The following SPIDR variants were observed in gnomAD, a reference collection of about 807,000 sequenced individuals.
The protein encoded by SPIDR is DNA repair-scaffolding protein.
In SPIDR, 93 loss-of-function variants were observed where a neutral mutation model predicts 104.6. The observed-to-expected ratio is 0.89, with a 90% confidence interval of 0.75 to 1.06. The LOEUF is 1.06. Ranked by LOEUF, SPIDR falls within the 50% of genes least tolerant of loss-of-function variation. The probability of loss-of-function intolerance (pLI) is 0.00; values close to 1 mark genes in which losing one functional copy is unlikely to be tolerated. For synonymous variants in SPIDR, 431 were observed against 416.9 expected, an observed-to-expected ratio of 1.03 and a Z score of -0.41; for missense variants, 1,154 against 1,111.2, an observed-to-expected ratio of 1.04 and a Z score of -0.55.
intron 7 of SPIDR, among the ~76,000 whole-genome samples, chr8:47,433,430 A>G (rs2067704725): frequency 1.3e-5 from 2 of 152,216 alleles, no homozygotes; most frequent in African/African-American, 4.8e-5. Flanking sequence ...TCCCTGCTTC[A>G]TCATTCTGAA....
chr8:47,341,355 G>C (rs929952182), intron 5 of SPIDR, among the ~76,000 whole-genome samples: 11 of 152,196 alleles, frequency 7.2e-5, no homozygotes, highest in African/African-American at 2.6e-4. Context: ...GAATTTCTGT[G>C]TAAGTAACTT....
intron 7 of SPIDR, among the ~76,000 whole-genome samples, chr8:47,439,190 A>G (rs537631717): frequency 1.3e-5 from 2 of 152,324 alleles, no homozygotes; most frequent in East Asian, 3.9e-4. Context: ...TAGAAACAAT[A>G]TGACACATAA....
intron 10 of SPIDR, among the ~76,000 whole-genome samples, chr8:47,610,351 A>G (rs1244497467): frequency 1.3e-5 from 2 of 152,176 alleles, no homozygotes; most frequent in Non-Finnish European, 2.9e-5. Context: ...CATGGGAGAC[A>G]GAGCACACAG....
chr8:47,500,624 C>T (rs557588144), intron 8 of SPIDR, among the ~76,000 whole-genome samples: 86 of 152,112 alleles, frequency 5.7e-4, no homozygotes, highest in African/African-American at 1.7e-3. Context: ...TTTCTTTTGC[C>T]GTGCAGAAGC....
chr8:47,454,164 A>G (rs1057488705), intron 8 of SPIDR, among the ~76,000 whole-genome samples: 2 of 152,232 alleles, frequency 1.3e-5, no homozygotes, highest in Non-Finnish European at 2.9e-5. Context: ...GCTGCTATAA[A>G]GACACATGCG....
intron 8 of SPIDR, among the ~76,000 whole-genome samples, chr8:47,512,638 C>T (rs1281005713): frequency 1.3e-5 from 2 of 152,140 alleles, no homozygotes; most frequent in African/African-American, 4.8e-5. Context: ...GCTGACGTCA[C>T]GGCTGCTCCT....
intron 7 of SPIDR, among the ~76,000 whole-genome samples, chr8:47,432,473 T>G (rs576465504): frequency 6.6e-6 from 1 of 152,300 alleles, no homozygotes; most frequent in African/African-American, 2.4e-5. Flanking sequence ...TACATCAGTT[T>G]GTATTAGGAG....
chr8:47,527,602 C>T (rs1440305596), intron 8 of SPIDR: 1 of 152,248 alleles, frequency 6.6e-6, no homozygotes, highest in East Asian at 1.9e-4. Flanking sequence ...AACACTCTAG[C>T]AAACAATAAA....
intron 10 of SPIDR, among the ~76,000 whole-genome samples, chr8:47,614,255 T>C (rs1230753618): frequency 6.6e-6 from 1 of 152,086 alleles, no homozygotes; most frequent in African/African-American, 2.4e-5. Flanking sequence ...AGTCTCGCTG[T>C]GTTGCCAGGC....
chr8:47,322,791 A>G (rs1007589099), intron 5 of SPIDR, among the ~76,000 whole-genome samples: 5 of 152,196 alleles, frequency 3.3e-5, no homozygotes, highest in Non-Finnish European at 5.9e-5. Flanking sequence ...CTTTGTAGGG[A>G]CATGGATGAA....
At chr8:47,370,913 C>G (rs782267020) in intron 5 of SPIDR, among the ~76,000 whole-genome samples, 1 of 152,060 alleles carries the variant, frequency 6.6e-6, no homozygotes. Context: ...CTTAACAAAC[C>G]CTGTTGAGAT....
At chr8:47,406,701 A>G (rs922643837) in intron 6 of SPIDR, among the ~76,000 whole-genome samples, 1 of 152,188 alleles carries the variant, frequency 6.6e-6, no homozygotes, top group Non-Finnish European at 1.5e-5. Flanking sequence ...AACATAACAA[A>G]AACAGTTACA....
chr8:47,335,226 A>G (rs1398931271), intron 5 of SPIDR, among the ~76,000 whole-genome samples: 1 of 152,206 alleles, frequency 6.6e-6, no homozygotes, highest in East Asian at 1.9e-4. Flanking sequence ...TTCTTTATGT[A>G]GAACTGAATT....
intron 16 of SPIDR, among the ~76,000 whole-genome samples, chr8:47,715,758 T>C (rs2082486249): frequency 6.6e-6 from 1 of 152,206 alleles, no homozygotes; most frequent in Non-Finnish European, 1.5e-5. Context: ...TCATTTGGGT[T>C]GTTTCTACTT....
At position 47,409,445 on chromosome 8, in the gene SPIDR, GT is replaced by G. The variant is rs569667734; in HGVS notation, c.877+1485del. ...AGTGCTGATTTGGTAGTTTTTTCCT[GT>G]GTGTTCCCTCCATCTAGAGTAGGGG... On this transcript the variant is annotated intron_variant, in intron 7 of 19. Transcript: ENST00000297423. Among the ~76,000 whole-genome samples the G allele has an allele frequency of 8.0e-3, 1,213 of 152,192 alleles. 15 individuals are homozygous for G. Among genetic ancestry groups the G allele is most frequent in the African/African-American group, 0.027 (1,124 of 41,532 alleles).
intron 8 of SPIDR, among the ~76,000 whole-genome samples, chr8:47,497,683 G>T (rs1251337174): frequency 1.3e-5 from 2 of 152,116 alleles, no homozygotes; most frequent in Non-Finnish European, 2.9e-5. Flanking sequence ...CATAACCATA[G>T]CTTTTAATTT....
chr8:47,510,895 C>T, intron 8 of SPIDR: 1 of 486,590 alleles, frequency 2.1e-6, no homozygotes. Context: ...CAACCAACAC[C>T]TAAGAACCTA....
intron 10 of SPIDR, among the ~76,000 whole-genome samples, chr8:47,604,540 T>G (rs191441953): frequency 5.9e-5 from 9 of 152,286 alleles, no homozygotes; most frequent in Non-Finnish European, 1.3e-4. Context: ...GTAGTCCAGG[T>G]CAGAGAGGAC....
intron 5 of SPIDR, among the ~76,000 whole-genome samples, chr8:47,370,954 C>T (rs887858159): frequency 6.6e-6 from 1 of 151,954 alleles, no homozygotes; most frequent in Non-Finnish European, 1.5e-5. Flanking sequence ...TCTAGTGTCT[C>T]CTCTCCCATC....
Sources: gnomAD v4.1 joint callset for allele counts (sites outside exome capture counted in the v4.1 genomes callset) on GRCh38, gnomAD v4.1.1 for gene constraint, MANE v1.5 for transcripts, NCBI Gene and HGNC (gene_info 2026-07-23, HGNC 2026-07-21) for gene names.